The following WDR26 variants were observed in gnomAD, a reference collection of about 807,000 sequenced individuals.
WDR26 encodes WD repeat-containing protein 26.
WDR26 carries 5 observed loss-of-function variants against 84.1 expected under a neutral mutation model. That is an observed-to-expected ratio of 0.06 (90% CI 0.03 to 0.13). The LOEUF (loss-of-function observed/expected upper bound fraction) is 0.13. WDR26 is among the 10% of genes least tolerant of loss of function. The pLI, the probability that WDR26 is intolerant of heterozygous loss-of-function variation, is 1.00. For synonymous variants in WDR26, 415 were observed against 389.6 expected (o/e 1.07, Z -0.77); for missense variants, 642 against 974.9 (o/e 0.66, Z 4.55).
chr1:224,397,401 C>T (rs1673296200), intron 12 of WDR26, among the ~76,000 whole-genome samples: 1 of 152,150 alleles, frequency 6.6e-6, no homozygotes, highest in Admixed American at 6.5e-5. Context: ...TAGTTAAGTT[C>T]CTATCGCCTT....
At chr1:224,399,954 A>T (rs1673365671) in intron 9 of WDR26, among the ~76,000 whole-genome samples, 1 of 152,194 alleles carries the variant, frequency 6.6e-6, no homozygotes, top group Non-Finnish European at 1.5e-5. Flanking sequence ...CATGGGTGGC[A>T]GAGAGCAAGA....
chr1:224,389,515 T>C lies in WDR26; in HGVS notation c.*320A>G, dbSNP rs1558410515. The C allele has an allele frequency of 5.8e-6, 3 of 513,032 alleles. No individual in the cohort carries two copies. The highest frequency in any genetic ancestry group is 1.0e-5 in the Non-Finnish European group (3 of 295,990). The allele number at this position is 513,032 out of a possible 1,614,324, so 31.8% of individuals were successfully genotyped here. A position where few individuals can be genotyped will look rare whatever the true frequency, so the allele number is the denominator to read the frequency against. On this transcript the variant is annotated 3_prime_UTR_variant, in exon 14 of 14. Transcript: ENST00000414423. ...CAGAAGAGCAACAAGAATGGTATCC[T>C]GCCAGACAAAAGACAGGAAGGAAAA...
intron 6 of WDR26, among the ~76,000 whole-genome samples, chr1:224,415,133 T>C (rs1340225053): frequency 6.6e-6 from 1 of 152,244 alleles, no homozygotes; most frequent in South Asian, 2.1e-4. Flanking sequence ...CATTATTCTC[T>C]TAGTGACTTT....
Position 224,395,839 on chromosome 1 carries a change from T to G in WDR26, c.2075-1826A>C, listed in dbSNP as rs1173847745. Among the ~76,000 whole-genome samples, 5 of 152,344 alleles carry G rather than the reference T, an allele frequency of 3.3e-5. No individual in the cohort carries two copies. The East Asian group carries it at 9.6e-4, about 29-fold the overall frequency. On this transcript the variant is annotated intron_variant, in intron 12 of 13. Transcript: ENST00000414423. The stretch of plus-strand genomic sequence containing the variant: ...ACAGGCTTTATCATCAAGCTCTGTT[T>G]GCTGTATCAATCTGAGAAATCTATT...
chr1:224,413,112 G>T, intron 6 of WDR26: 1 of 200,834 alleles, frequency 5.0e-6, no homozygotes, highest in Non-Finnish European at 1.0e-5. Flanking sequence ...TCGCTTGAAT[G>T]TGGGAGGTGG....
intron 13 of WDR26, among the ~76,000 whole-genome samples, chr1:224,392,345 G>C (rs1321204056): frequency 6.6e-6 from 1 of 150,528 alleles, no homozygotes; most frequent in Non-Finnish European, 1.5e-5. Flanking sequence ...GAGAGCATGA[G>C]ACTCCGTCTC....
In WDR26 at chr1:224,404,270, G is replaced by C. The variant is rs182448727; in HGVS notation, c.1599+160C>G. 1.9e-3 allele frequency among the ~76,000 whole-genome samples: 287 copies of C among 152,256 alleles called. 1 individual carries two copies. The highest frequency in any genetic ancestry group is 2.8e-3 in the Non-Finnish European group (188 of 68,028). ...TATTACTGAGCATAATACTTAAATTGATAAATCTGGAAACTTGGGTTCCAC... is the reference window on the plus strand; with the variant it reads ...TATTACTGAGCATAATACTTAAATTCATAAATCTGGAAACTTGGGTTCCAC... On this transcript the variant is annotated intron_variant, in intron 8 of 13. Coordinates refer to ENST00000414423, the MANE Select transcript of WDR26 (RefSeq NM_001379403.1).
chr1:224,423,349 T>C (rs1674118768), intron 4 of WDR26, among the ~76,000 whole-genome samples: 2 of 152,240 alleles, frequency 1.3e-5, no homozygotes, highest in South Asian at 2.1e-4. Flanking sequence ...AGTCTTTCAC[T>C]GCCAGCCCTG....
intron 7 of WDR26, among the ~76,000 whole-genome samples, chr1:224,405,651 A>G (rs1021702487): frequency 2.6e-5 from 4 of 152,210 alleles, no homozygotes; most frequent in South Asian, 2.1e-4. Context: ...GAAAGAAACG[A>G]AAGTTTAGAA....
At position 224,434,231 on chromosome 1, in the gene WDR26, A is replaced by AC; in HGVS notation, c.174_175insG (p.Ser59ValfsTer33). On this transcript the variant is annotated frameshift_variant, in exon 1 of 14. Coordinates refer to ENST00000414423, the MANE Select transcript of WDR26 (RefSeq NM_001379403.1). LOFTEE classifies it high-confidence loss of function. ...GAGGAGGAGGAGGAGGAGGAGGACG[A>AC]GGACGACGAGGACGGAGGGGAGAGG... is the stretch of plus-strand genomic sequence containing the variant. 2 of 1,378,284 alleles carry AC rather than the reference A, an allele frequency of 1.5e-6. No individual in the cohort carries two copies. The highest frequency in any genetic ancestry group is 1.9e-6 in the Non-Finnish European group (2 of 1,066,898). 85.4% of individuals were successfully genotyped at this position (1,378,284 alleles called of 1,614,324 possible).
rs562527192 is a variant in WDR26, at chr1:224,416,372, C to T, written c.1319+1888G>A. 6.6e-5 allele frequency among the ~76,000 whole-genome samples: 10 copies of T among 152,088 alleles called. No individual in the cohort carries two copies. The East Asian group carries it at 1.5e-3, about 24-fold the overall frequency. ...CCTCCCGAGTAGCTGGGACTACAGGCGCCTGCCACCACGCCCGGCTAATTT... is the reference window on the plus strand; with the variant it reads ...CCTCCCGAGTAGCTGGGACTACAGGTGCCTGCCACCACGCCCGGCTAATTT... On this transcript the variant is annotated intron_variant, in intron 6 of 13. Coordinates refer to ENST00000414423, the MANE Select transcript of WDR26 (RefSeq NM_001379403.1).
At chr1:224,421,110 T>A (rs904560941) in intron 4 of WDR26, among the ~76,000 whole-genome samples, 1 of 152,188 alleles carries the variant, frequency 6.6e-6, no homozygotes, top group Non-Finnish European at 1.5e-5. Flanking sequence ...AAAAGGACAT[T>A]GGACTGAGAA....
intron 12 of WDR26, among the ~76,000 whole-genome samples, chr1:224,396,131 G>A (rs1006033688): frequency 6.6e-6 from 1 of 152,142 alleles, no homozygotes; most frequent in Non-Finnish European, 1.5e-5. Context: ...TAAATCACTT[G>A]AGTCATGAGA....
At position 224,404,511 on chromosome 1, in the gene WDR26, A is replaced by G. The variant is rs753632499; in HGVS notation, c.1518T>C (p.Tyr506=). 7 of 1,614,140 alleles carry G rather than the reference A, an allele frequency of 4.3e-6. No individual in the cohort carries two copies. The highest frequency in any genetic ancestry group is 1.7e-4 in the Middle Eastern group (1 of 6,060). ...AGTTGTCATCTGGACTCCATGCAAT[A>G]TAAGAAACGCCATAAGCATGTCCTT... Residue 506 remains tyrosine, a synonymous_variant, in exon 8 of 14, where the codon TAT becomes TAC. Transcript: ENST00000414423.
intron 6 of WDR26, among the ~76,000 whole-genome samples, chr1:224,414,983 G>C (rs1673852373): frequency 6.6e-6 from 1 of 152,138 alleles, no homozygotes; most frequent in East Asian, 1.9e-4. Flanking sequence ...CTCCAACTTG[G>C]GCTACAGGGC....
chr1:224,400,488 T>C (rs773384251), intron 9 of WDR26, among the ~76,000 whole-genome samples: 3 of 152,196 alleles, frequency 2.0e-5, no homozygotes, highest in Non-Finnish European at 2.9e-5. Context: ...AAAATTCTAT[T>C]GGACAGCGCT....
Position 224,400,816 on chromosome 1 carries a change from G to C in WDR26, c.1719+134C>G, listed in dbSNP as rs1371660108. 11 of 1,266,778 alleles carry C rather than the reference G, an allele frequency of 8.7e-6. No homozygotes were observed. The East Asian group carries it at 3.1e-4, about 36-fold the overall frequency. The allele number at this position is 1,266,778 out of a possible 1,614,324, so 78.5% of individuals were successfully genotyped here. Reference sequence around the variant, plus strand: ...CTGCCTCGGCCTCCCAAAGTGCTGGGATTACAGGTGTGAGCCACCATGCCT... The same window carrying C: ...CTGCCTCGGCCTCCCAAAGTGCTGGCATTACAGGTGTGAGCCACCATGCCT... On this transcript the variant is annotated intron_variant, in intron 9 of 13. Transcript: ENST00000414423.
At chr1:224,428,656 C>T (rs769368554) in intron 3 of WDR26, among the ~76,000 whole-genome samples, 5 of 151,532 alleles carry the variant, frequency 3.3e-5, no homozygotes, top group East Asian at 1.9e-4. Context: ...CAGCACTCTG[C>T]GAGGCTGAGG....
intron 7 of WDR26, among the ~76,000 whole-genome samples, chr1:224,407,228 G>C (rs1253455175): frequency 8.2e-6 from 1 of 122,446 alleles, no homozygotes; most frequent in Non-Finnish European, 1.6e-5. Context: ...AAAAGATAAA[G>C]TTGAAAACAA....
Sources: allele counts gnomAD v4.1 joint callset (sites outside exome capture counted in the v4.1 genomes callset), GRCh38; gene constraint gnomAD v4.1.1; transcripts MANE v1.5; gene names NCBI Gene and HGNC (gene_info 2026-07-23, HGNC 2026-07-21).